The following PSD3 variants were observed in gnomAD, a reference collection of about 807,000 sequenced individuals.
PSD3 encodes pleckstrin and Sec7 domain containing 3.
In PSD3, 49 loss-of-function variants were observed where a neutral mutation model predicts 105.5. That is an observed-to-expected ratio of 0.46 (90% CI 0.37 to 0.59). The LOEUF is 0.59. Ranked by LOEUF, PSD3 falls within the 20% of genes least tolerant of loss-of-function variation. PSD3 has a pLI of 0.00. For missense variants in PSD3, 1,561 were observed against 1,263.8 expected, an observed-to-expected ratio of 1.24 and a Z score of -3.57; for synonymous variants, 557 against 457.8, an observed-to-expected ratio of 1.22 and a Z score of -2.77.
At chr8:18,729,109 T>A (rs1803542739) in intron 9 of PSD3, among the ~76,000 whole-genome samples, 1 of 152,138 alleles carries the variant, frequency 6.6e-6, no homozygotes, top group Admixed American at 6.5e-5. Context: ...TAACAGAGAC[T>A]AATAAGCAAT....
chr8:18,687,532 TC>T (rs898743740), intron 9 of PSD3, among the ~76,000 whole-genome samples: 5 of 151,616 alleles, frequency 3.3e-5, no homozygotes, highest in Non-Finnish European at 7.4e-5. Flanking sequence ...CGAAATGATT[TC>T]CCCCCTAACT....
At chr8:18,950,687 C>T (rs573247524) in intron 1 of PSD3, among the ~76,000 whole-genome samples, 1 of 152,204 alleles carries the variant, frequency 6.6e-6, no homozygotes, top group Non-Finnish European at 1.5e-5. Flanking sequence ...CTTTGTACCC[C>T]ATAAATATAT....
intron 12 of PSD3, among the ~76,000 whole-genome samples, chr8:18,593,312 A>G (rs1167439205): frequency 6.6e-6 from 1 of 152,226 alleles, no homozygotes; most frequent in Non-Finnish European, 1.5e-5. Context: ...GAGTGGGTGA[A>G]GGATATGAAC....
At chr8:18,986,929 G>T (rs548418136) in intron 1 of PSD3, among the ~76,000 whole-genome samples, 14 of 152,156 alleles carry the variant, frequency 9.2e-5, no homozygotes, top group Admixed American at 9.2e-4. Flanking sequence ...TTTATGCTTA[G>T]TGTTCCATTA....
chr8:19,083,598 G>T (rs936380642), intron 1 of PSD3, among the ~76,000 whole-genome samples: 1 of 152,196 alleles, frequency 6.6e-6, no homozygotes, highest in South Asian at 2.1e-4. Context: ...AGAAAGTCAG[G>T]TGTTCATGGA....
intron 2 of PSD3, among the ~76,000 whole-genome samples, chr8:18,881,585 C>A (rs761490932): frequency 1.3e-5 from 2 of 152,116 alleles, no homozygotes; most frequent in Admixed American, 6.5e-5. Context: ...CGTTTTCATG[C>A]GGGATTCTCA....
At chr8:18,948,636 T>G (rs1206198128) in intron 1 of PSD3, among the ~76,000 whole-genome samples, 1 of 152,140 alleles carries the variant, frequency 6.6e-6, no homozygotes, top group Non-Finnish European at 1.5e-5. Flanking sequence ...CAAAAAAGCC[T>G]TGAAACCTTG....
chr8:18,628,943 A>G (rs565810431), intron 11 of PSD3, among the ~76,000 whole-genome samples: 12 of 152,168 alleles, frequency 7.9e-5, no homozygotes, highest in African/African-American at 2.9e-4. Context: ...AAAGTCAACT[A>G]TACTAATAAC....
intron 10 of PSD3, among the ~76,000 whole-genome samples, chr8:18,635,557 C>A (rs1807190907): frequency 6.6e-6 from 1 of 152,056 alleles, no homozygotes; most frequent in Admixed American, 6.6e-5. Context: ...TGTAAAACAG[C>A]CTCAGGCAGG....
intron 1 of PSD3, among the ~76,000 whole-genome samples, chr8:19,034,799 T>C (rs985761599): frequency 6.6e-6 from 1 of 152,132 alleles, no homozygotes; most frequent in Non-Finnish European, 1.5e-5. Flanking sequence ...CTGGTCTGGA[T>C]CCCAGAGGAC....
intron 2 of PSD3, among the ~76,000 whole-genome samples, chr8:18,879,671 T>A (rs1259322569): frequency 6.6e-6 from 1 of 152,146 alleles, no homozygotes; most frequent in Non-Finnish European, 1.5e-5. Context: ...TCACTGCAGC[T>A]CAGCCTCCTC....
chr8:18,744,162 A>G (rs1272134686), intron 9 of PSD3, among the ~76,000 whole-genome samples: 1 of 152,220 alleles, frequency 6.6e-6, no homozygotes, highest in African/African-American at 2.4e-5. Context: ...TTAGGTAATC[A>G]TATTTTATGA....
At chr8:19,050,478 C>A (rs1828488881) in intron 1 of PSD3, among the ~76,000 whole-genome samples, 1 of 152,170 alleles carries the variant, frequency 6.6e-6, no homozygotes, top group African/African-American at 2.4e-5. Flanking sequence ...AAATGTGGCA[C>A]ATATACACCA....
At chr8:18,591,130 G>A (rs965843529) in intron 12 of PSD3, among the ~76,000 whole-genome samples, 1 of 152,138 alleles carries the variant, frequency 6.6e-6, no homozygotes, top group Admixed American at 6.6e-5. Flanking sequence ...TACCCCAGGA[G>A]AGCACAAAGC....
At chr8:19,013,505 C>T in intron 1 of PSD3, 58 bp downstream of exon 1, 1 of 1,578,816 alleles carries the variant, frequency 6.3e-7, no homozygotes, top group Admixed American at 1.7e-5. Flanking sequence ...ACAAACCCCA[C>T]GTCGAACAGC....
At chr8:18,888,616 A>C (rs1490736423) in intron 2 of PSD3, among the ~76,000 whole-genome samples, 1 of 152,214 alleles carries the variant, frequency 6.6e-6, no homozygotes, top group African/African-American at 2.4e-5. Context: ...TACTATAATC[A>C]CTATGACTTT....
intron 4 of PSD3, among the ~76,000 whole-genome samples, chr8:18,818,998 T>C (rs1051984138): frequency 7.2e-5 from 11 of 152,010 alleles, no homozygotes; most frequent in Non-Finnish European, 1.5e-4. Flanking sequence ...TCCAGAGGAA[T>C]TGTGGAGTAA....
intron 4 of PSD3, among the ~76,000 whole-genome samples, chr8:18,823,555 T>A (rs1166502398): frequency 6.6e-6 from 1 of 152,128 alleles, no homozygotes; most frequent in African/African-American, 2.4e-5. Context: ...CCGCAACTTA[T>A]CATTGAATTC....
intron 3 of PSD3, 68 bp downstream of exon 3, chr8:18,871,558 T>C: frequency 6.6e-7 from 1 of 1,508,374 alleles, no homozygotes; most frequent in Non-Finnish European, 8.9e-7. Context: ...TCATATCAAG[T>C]ACAGGATAAC....
Sources: gnomAD v4.1 joint callset for allele counts (sites outside exome capture counted in the v4.1 genomes callset) on GRCh38, gnomAD v4.1.1 for gene constraint, MANE v1.5 for transcripts, NCBI Gene and HGNC (gene_info 2026-07-23, HGNC 2026-07-21) for gene names.